ASIC2: variants seen among roughly 807,000 people sequenced by gnomAD.
The protein encoded by ASIC2 is acid-sensing ion channel 2.
In ASIC2, 25 loss-of-function variants were observed where a neutral mutation model predicts 57.3. The observed-to-expected ratio is 0.44, with a 90% CI of 0.32 to 0.61. The LOEUF is 0.61. Ranked by LOEUF, ASIC2 falls within the 20% of genes least tolerant of loss-of-function variation. ASIC2 has a pLI of 0.06. For synonymous variants in ASIC2, 319 were observed against 307.5 expected (o/e 1.04, Z -0.39); for missense variants, 641 against 738.1 (o/e 0.87, Z 1.52).
In ASIC2 at chr17:33,292,436, T is replaced by C. The variant is rs1905530944; in HGVS notation, c.-321A>G. On this transcript the variant is annotated 5_prime_UTR_variant, in exon 1 of 10. Coordinates refer to ENST00000225823, the MANE Select transcript of ASIC2 (RefSeq NM_183377.2). ...GCGCCCGGCACTACTTCTGGAGGGG[T>C]CCCACTGGGAGCCGCCTCTCCAGTC... is the stretch of plus-strand genomic sequence containing the variant. 1 of 985,136 alleles carries C rather than the reference T, an allele frequency of 1.0e-6. No homozygotes were observed. The highest frequency in any genetic ancestry group is 1.8e-5 in the African/African-American group (1 of 57,114). 61.0% of individuals were successfully genotyped at this position (985,136 alleles called of 1,614,324 possible).
chr17:33,281,571 G>A (rs1298814707), intron 1 of ASIC2, among the ~76,000 whole-genome samples: 1 of 152,204 alleles, frequency 6.6e-6, no homozygotes, highest in Admixed American at 6.5e-5. Context: ...TACACGAAAA[G>A]TATGGTCTGT....
intron 1 of ASIC2, among the ~76,000 whole-genome samples, chr17:33,550,957 G>A (rs1407333618): frequency 6.6e-6 from 1 of 152,168 alleles, no homozygotes; most frequent in Non-Finnish European, 1.5e-5. Flanking sequence ...ATATGTTGAA[G>A]CTCTGGGTGG....
intron 1 of ASIC2, among the ~76,000 whole-genome samples, chr17:33,807,204 C>T (rs557893070): frequency 1.6e-4 from 24 of 152,274 alleles, no homozygotes; most frequent in East Asian, 1.5e-3. Flanking sequence ...AATCAGTGGT[C>T]GTTTGGGTAA....
At chr17:33,302,815 C>T (rs1450568827) in intron 1 of ASIC2, among the ~76,000 whole-genome samples, 1 of 152,208 alleles carries the variant, frequency 6.6e-6, no homozygotes, top group Non-Finnish European at 1.5e-5. Context: ...ACACAGAGTA[C>T]AGCCAGGTAT....
intron 1 of ASIC2, among the ~76,000 whole-genome samples, chr17:33,969,932 G>C (rs1905178668): frequency 6.6e-6 from 1 of 152,118 alleles, no homozygotes; most frequent in Admixed American, 6.6e-5. Context: ...GGGGTCTGGG[G>C]GAAGAGGGAA....
chr17:33,049,262 C>T (rs16585), intron 3 of ASIC2, among the ~76,000 whole-genome samples: 138,551 of 152,214 alleles, frequency 0.91, 63,094 homozygotes, highest in East Asian at 0.95. Context: ...CATGGTGTGG[C>T]TAAAAGACTT....
chr17:34,128,784 A>C (rs188778971), intron 1 of ASIC2, among the ~76,000 whole-genome samples: 6 of 152,258 alleles, frequency 3.9e-5, no homozygotes, highest in African/African-American at 1.2e-4. Context: ...CTGGAGGAAG[A>C]ATGAGGTTGT....
intron 2 of ASIC2, among the ~76,000 whole-genome samples, chr17:33,099,366 C>T (rs975152686): frequency 2.0e-4 from 30 of 152,072 alleles, no homozygotes; most frequent in African/African-American, 5.6e-4. Flanking sequence ...TAGAACTGCC[C>T]TGTCTACATC....
chr17:33,746,769 A>AT (rs1393776525), intron 1 of ASIC2, among the ~76,000 whole-genome samples: 1 of 152,042 alleles, frequency 6.6e-6, no homozygotes, highest in African/African-American at 2.4e-5. Context: ...CAGAATATAC[A>AT]TTTTTCTCAA....
rs186894067 is a variant in ASIC2 at position 33,234,299 on chromosome 17, T to G, written c.708+57109A>C. ...TACTAAAAGTGGGGACCCCAGAGGC[T>G]CTTACTAGGTTTCTCAGCTTCTCTG... On this transcript the variant is annotated intron_variant, in intron 1 of 9. Coordinates refer to ENST00000225823, the MANE Select transcript of ASIC2 (RefSeq NM_183377.2). Among the ~76,000 whole-genome samples the G allele has an allele frequency of 6.3e-4, 96 of 152,324 alleles. 1 individual carries two copies. The highest frequency in any genetic ancestry group is 2.1e-3 in the African/African-American group (88 of 41,572).
At chr17:33,083,194 A>G (rs1598267607) in intron 3 of ASIC2, among the ~76,000 whole-genome samples, 1 of 152,188 alleles carries the variant, frequency 6.6e-6, no homozygotes, top group Non-Finnish European at 1.5e-5. Context: ...GATCTTATCT[A>G]TAAGCAAGGC....
chr17:33,424,725 T>C (rs1054165113), intron 1 of ASIC2, among the ~76,000 whole-genome samples: 1 of 152,114 alleles, frequency 6.6e-6, no homozygotes, highest in Admixed American at 6.5e-5. Context: ...TTCCTCTCTT[T>C]CAACAAACAC....
At chr17:33,687,748 C>T (rs1908240604) in intron 1 of ASIC2, among the ~76,000 whole-genome samples, 1 of 152,154 alleles carries the variant, frequency 6.6e-6, no homozygotes, top group Non-Finnish European at 1.5e-5. Context: ...AGTTGCAGGT[C>T]CTGTGCTGAG....
intron 1 of ASIC2, among the ~76,000 whole-genome samples, chr17:33,412,203 G>T (rs1481462239): frequency 6.6e-6 from 1 of 152,178 alleles, no homozygotes; most frequent in Non-Finnish European, 1.5e-5. Flanking sequence ...TAAAAAGAAA[G>T]GAGAGAAGAG....
At chr17:34,001,317 T>C (rs369374755) in intron 1 of ASIC2, 2 of 152,680 alleles carry the variant, frequency 1.3e-5, no homozygotes, top group South Asian at 4.1e-4. Context: ...GGAGTCCTCA[T>C]GTGGGAGGTC....
intron 5 of ASIC2, among the ~76,000 whole-genome samples, 195 bp downstream of exon 5, chr17:33,025,731 T>G (rs2091856253): frequency 6.6e-6 from 1 of 152,044 alleles, no homozygotes; most frequent in Admixed American, 6.6e-5. Context: ...ACCAGTTCCC[T>G]TCCCAACCTT....
At chr17:33,884,112 C>T (rs1002781085) in intron 1 of ASIC2, among the ~76,000 whole-genome samples, 1 of 152,188 alleles carries the variant, frequency 6.6e-6, no homozygotes, top group Non-Finnish European at 1.5e-5. Flanking sequence ...CTGTGTCCGG[C>T]GCTGGGTGTC....
chr17:33,106,403 T>C lies in ASIC2; in HGVS notation c.859+5514A>G, dbSNP rs150650457. 3.0e-3 allele frequency among the ~76,000 whole-genome samples: 460 copies of C among 152,358 alleles called. 3 individuals are homozygous for C. Among genetic ancestry groups the C allele is most frequent in the African/African-American group, 0.011 (439 of 41,592 alleles). On this transcript the variant is annotated intron_variant, in intron 2 of 9. Transcript: ENST00000225823. ...GTATTTGATAAAAAAGTGTTTTTCA[T>C]TGGAGTGCATGAAGGATAGAAGGAG...
chr17:33,949,078 C>A (rs777156818), intron 1 of ASIC2, among the ~76,000 whole-genome samples: 5 of 150,384 alleles, frequency 3.3e-5, no homozygotes, highest in Non-Finnish European at 5.9e-5. Context: ...TGGCACAAAA[C>A]CTTCTTCTTT....
Sources: gnomAD v4.1 joint callset for allele counts (sites outside exome capture counted in the v4.1 genomes callset) on GRCh38, gnomAD v4.1.1 for gene constraint, MANE v1.5 for transcripts, NCBI Gene and HGNC (gene_info 2026-07-23, HGNC 2026-07-21) for gene names.